The following NOL11 variants were observed in gnomAD, a reference collection of about 807,000 sequenced individuals.
The protein encoded by NOL11 is nucleolar protein 11.
Under a neutral mutation model 93.0 loss-of-function variants are expected in NOL11, and 42 were observed. That is an observed-to-expected ratio of 0.45 (90% confidence interval 0.35 to 0.58). The LOEUF (loss-of-function observed/expected upper bound fraction) is 0.58, where lower values mean the gene tolerates loss of function less well. Among genes scored for constraint, NOL11 ranks in the 20% least tolerant of loss-of-function variants. NOL11 has a pLI of 0.00. For missense variants in NOL11, 775 were observed against 841.8 expected (o/e 0.92, Z 0.98); for synonymous variants, 296 against 293.7 (o/e 1.01, Z -0.08).
chr17:67,730,971 T>C (rs1208494101), intron 7 of NOL11, among the ~76,000 whole-genome samples: 2 of 152,178 alleles, frequency 1.3e-5, no homozygotes, highest in Non-Finnish European at 2.9e-5. Flanking sequence ...TTCTAGTGGG[T>C]GTGAAGTAGT....
intron 7 of NOL11, among the ~76,000 whole-genome samples, chr17:67,732,048 G>A (rs2055158558): frequency 1.3e-5 from 2 of 152,194 alleles, no homozygotes; most frequent in African/African-American, 4.8e-5. Context: ...GAGCCTGTAG[G>A]TTGCTTTGTG....
At position 67,718,081 on chromosome 17, in the gene NOL11, T is replaced by C; in HGVS notation, c.134T>C (p.Leu45Pro). Residue 45 changes from leucine (L) to proline (P), a missense_variant, in exon 1 of 18, where the codon CTC becomes CCC. By Grantham distance (98) the Leu-to-Pro change is moderately conservative. Transcript: ENST00000253247. ...ACAGACAGCGGCAGGACAGTCATCC[T>C]CTATAAGGTGAAGGCAATAGGTTTG... ...LVTDSGRTVI[L>P]YKVSDQKPLG... is the part of the protein sequence containing the mutation. 2 of 1,614,150 alleles carry C rather than the reference T, an allele frequency of 1.2e-6. No individual in the cohort carries two copies. Among genetic ancestry groups the C allele is most frequent in the Non-Finnish European group, 1.7e-6 (2 of 1,179,988 alleles).
intron 7 of NOL11, among the ~76,000 whole-genome samples, chr17:67,729,703 C>T (rs1219354808): frequency 1.3e-5 from 2 of 151,984 alleles, no homozygotes; most frequent in Non-Finnish European, 1.5e-5. Context: ...CTCAGCCTCC[C>T]GAGTAGCTGG....
chr17:67,728,847 TTCA>T (rs1213270580), intron 7 of NOL11, among the ~76,000 whole-genome samples: 2 of 152,240 alleles, frequency 1.3e-5, no homozygotes, highest in Non-Finnish European at 2.9e-5. Context: ...CACAGTGTGC[TTCA>T]TCATTCTCCC....
intron 7 of NOL11, among the ~76,000 whole-genome samples, chr17:67,730,628 A>G (rs2055145760): frequency 9.2e-6 from 1 of 108,560 alleles, no homozygotes; most frequent in African/African-American, 3.2e-5. Context: ...CGTTAATTCC[A>G]TATTTAGTTT....
Position 67,726,555 on chromosome 17 carries a change from G to C in NOL11, c.760G>C (p.Val254Leu). ...SLVKSLLLKA[V>L]VSGNARNGVA... is the part of the protein sequence containing the mutation. ...AGTTAAATCACTGCTGCTCAAGGCTGTTGTATCTGGTAACGCTCGAAATGG... is the reference window on the plus strand; with the variant it reads ...AGTTAAATCACTGCTGCTCAAGGCTCTTGTATCTGGTAACGCTCGAAATGG... The change falls in exon 7 of 18, where the codon GTT (valine) becomes CTT (leucine). Residue 254 changes from valine to leucine, a missense_variant. This residue lies in a region of NOL11 where 359 missense variants were observed against 316.5 expected (regional missense o/e 1.13). Coordinates refer to ENST00000253247, the MANE Select transcript of NOL11 (RefSeq NM_015462.5). 6.2e-7 allele frequency: 1 copy of C among 1,614,138 alleles called. No homozygotes were observed. Among genetic ancestry groups the C allele is most frequent in the Non-Finnish European group, 8.5e-7 (1 of 1,180,002 alleles).
chr17:67,738,745 G>T, intron 14 of NOL11, 187 bp from the exon 15 acceptor site: 1 of 547,586 alleles, frequency 1.8e-6, no homozygotes, highest in Admixed American at 3.5e-5. Flanking sequence ...TCAGTATTCT[G>T]AATAAATACC....
At chr17:67,743,198 C>T (rs1266547737) in intron 16 of NOL11, among the ~76,000 whole-genome samples, 2 of 152,158 alleles carry the variant, frequency 1.3e-5, no homozygotes, top group African/African-American at 2.4e-5. Context: ...TGTTTGGAGG[C>T]TCCAGTGAGC....
At chr17:67,726,329 T>C (rs553590098) in intron 6 of NOL11, 131 bp from the exon 7 acceptor site, 1 of 613,076 alleles carries the variant, frequency 1.6e-6, no homozygotes, top group Non-Finnish European at 2.6e-6. Context: ...AGCACAGTGA[T>C]GGGATTGTTT....
At chr17:67,730,530 G>A (rs1401636141) in intron 7 of NOL11, among the ~76,000 whole-genome samples, 1 of 152,220 alleles carries the variant, frequency 6.6e-6, no homozygotes, top group Non-Finnish European at 1.5e-5. Context: ...GAAGTGCTGG[G>A]ATTACAGGCG....
Position 67,718,030 on chromosome 17 carries a change from G to A in NOL11, c.83G>A (p.Ser28Asn), listed in dbSNP as rs1365218799. Reference sequence around the variant, plus strand: ...GAAGGACTCCTAGGCGTGGAGCAGAGCGACAAAACAGACCAGTTTCTAGTG... The same window carrying A: ...GAAGGACTCCTAGGCGTGGAGCAGAACGACAAAACAGACCAGTTTCTAGTG... ...GPEGLLGVEQ[S>N]DKTDQFLVTD... Residue 28 changes from serine (S) to asparagine (N), a missense_variant, in exon 1 of 18, where the codon AGC becomes AAC. Ser to Asn is a conservative substitution (Grantham distance 46, BLOSUM62 1). Coordinates refer to ENST00000253247, the MANE Select transcript of NOL11 (RefSeq NM_015462.5). The A allele has an allele frequency of 6.2e-7, 1 of 1,614,244 alleles. No individual in the cohort carries two copies. Among genetic ancestry groups the A allele is most frequent in the South Asian group, 1.1e-5 (1 of 91,086 alleles).
chr17:67,736,048 T>G, intron 9 of NOL11, 25 bp downstream of exon 9: 1 of 1,590,626 alleles, frequency 6.3e-7, no homozygotes, highest in Non-Finnish European at 8.5e-7. Flanking sequence ...CTGTTTGTTT[T>G]ATTAATACAA....
intron 8 of NOL11, among the ~76,000 whole-genome samples, chr17:67,735,665 A>G (rs551439109): frequency 6.6e-6 from 1 of 152,284 alleles, no homozygotes; most frequent in South Asian, 2.1e-4. Context: ...TTTAAAATGT[A>G]TATGTTGATT....
chr17:67,721,245 T>C, intron 3 of NOL11, 133 bp from the exon 4 acceptor site: 1 of 563,958 alleles, frequency 1.8e-6, no homozygotes, highest in Non-Finnish European at 2.9e-6. Context: ...TTTGGAACCA[T>C]ACATAATTAT....
Position 67,737,546 on chromosome 17 carries a change from A to AT in NOL11, c.1262dup (p.Leu421PhefsTer8). 6.2e-7 allele frequency: 1 copy of AT among 1,608,094 alleles called. No homozygotes were observed. The highest frequency in any genetic ancestry group is 8.5e-7 in the Non-Finnish European group (1 of 1,178,534). On this transcript the variant is annotated frameshift_variant, in exon 12 of 18. Transcript: ENST00000253247. LOFTEE classifies it high-confidence loss of function. Reference sequence around the variant, plus strand: ...AACACATTGAAGTAGAAGTACGGAAATTTTTGGCTCTGAAGCAGACACCTG... The same window carrying AT: ...AACACATTGAAGTAGAAGTACGGAAATTTTTTGGCTCTGAAGCAGACACCTG...
rs1356235067 is a variant in NOL11 at position 67,744,038 on chromosome 17, C to T, written c.*179C>T. 5 of 383,342 alleles carry T rather than the reference C, an allele frequency of 1.3e-5. No individual in the cohort carries two copies. The highest frequency in any genetic ancestry group is 4.6e-5 in the Admixed American group (1 of 21,708). 23.7% of individuals were successfully genotyped at this position (383,342 alleles called of 1,614,324 possible). ...GGTAGGACTGCAGGTTTCACATGAA[C>T]CTGTTCTAGGCTGTGGACATTGGTG... is the stretch of plus-strand genomic sequence containing the variant. On this transcript the variant is annotated 3_prime_UTR_variant, in exon 18 of 18. Coordinates refer to ENST00000253247, the MANE Select transcript of NOL11 (RefSeq NM_015462.5).
At chr17:67,721,329 G>T in intron 3 of NOL11, 49 bp from the exon 4 acceptor site, 1 of 1,136,986 alleles carries the variant, frequency 8.8e-7, no homozygotes, top group Non-Finnish European at 1.2e-6. Context: ...CCTTATATTA[G>T]GTATAAATTG....
At chr17:67,726,367 T>TTGGTAAAATCTTATAAACAACCTAG in intron 6 of NOL11, 93 bp from the exon 7 acceptor site, 1 of 1,034,436 alleles carries the variant, frequency 9.7e-7, no homozygotes, top group Middle Eastern at 3.3e-4. Context: ...TTTTATCAAA[T>TTGGTAAAATCTTATAAACAACCTAG]TGGTAAAATC....
intron 10 of NOL11, 103 bp from the exon 11 acceptor site, chr17:67,736,968 G>T (rs1396370481): frequency 4.8e-5 from 40 of 827,926 alleles, no homozygotes; most frequent in Non-Finnish European, 7.2e-5. Flanking sequence ...TTTTTGATGA[G>T]AGCAAAAGTG....
Sources: gnomAD v4.1 joint callset for allele counts (sites outside exome capture counted in the v4.1 genomes callset) on GRCh38, gnomAD v4.1.1 for gene constraint, gnomAD v4.1.1 regional missense constraint, MANE v1.5 for transcripts, NCBI Gene and HGNC (gene_info 2026-07-23, HGNC 2026-07-21) for gene names.